MSI1: variants seen among roughly 807,000 people sequenced by gnomAD.
MSI1 encodes the protein musashi RNA binding protein 1.
Under a neutral mutation model 54.4 loss-of-function variants are expected in MSI1, and 15 were observed. The ratio of observed to expected loss-of-function variants is 0.28; its 90% CI spans 0.18 to 0.42. The LOEUF is 0.42. MSI1 is among the 20% of genes least tolerant of loss of function. The pLI is 1.00. For missense variants in MSI1, 304 were observed against 506.0 expected, an observed-to-expected ratio of 0.60 and a Z score of 3.83; for synonymous variants, 200 against 196.5, an observed-to-expected ratio of 1.02 and a Z score of -0.15.
chr12:120,351,219 C>T (rs1283615339), intron 11 of MSI1, 125 bp downstream of exon 11: 6 of 938,120 alleles, frequency 6.4e-6, no homozygotes, highest in Non-Finnish European at 1.0e-5. Context: ...TCTGCTGTGT[C>T]CCCACAGCCG....
Position 120,357,754 on chromosome 12 carries a change from C to T in MSI1, c.534+62G>A, listed in dbSNP as rs533864538. 1,891 of 1,547,524 alleles carry T rather than the reference C, an allele frequency of 1.2e-3. 25 individuals carry two copies. The South Asian group carries it at 0.02, about 16-fold the overall frequency. ...CTCCTGACCTCATGTAATCTGCCCA[C>T]CTCAACCTCCCCAAAGTGCTTGGCT... On this transcript the variant is annotated intron_variant, in intron 8 of 14. Transcript: ENST00000257552.
At chr12:120,346,629 C>A (rs1370407123) in intron 12 of MSI1, among the ~76,000 whole-genome samples, 1 of 152,136 alleles carries the variant, frequency 6.6e-6, no homozygotes, top group Non-Finnish European at 1.5e-5. Context: ...TCCACTGTCT[C>A]CCCACCACCC....
At chr12:120,340,519 C>CT (rs1362536776), downstream of MSI1, among the ~76,000 whole-genome samples, 10 of 151,120 alleles carry the variant, frequency 6.6e-5, no homozygotes, top group Admixed American at 3.3e-4. Context: ...TCTCTCTCTT[C>CT]TTTTTTTTTG....
chr12:120,363,857 T>C lies in MSI1; in HGVS notation c.310-722A>G, dbSNP rs140117430. Among the ~76,000 whole-genome samples, 771 of 152,234 alleles carry C rather than the reference T, an allele frequency of 5.1e-3. 7 individuals carry two copies. The highest frequency in any genetic ancestry group is 0.017 in the African/African-American group (707 of 41,518). On this transcript the variant is annotated intron_variant, in intron 5 of 14. Transcript: ENST00000257552. ...CAGCCCTGGCAGGAGTTGGGGGACT[T>C]GATGGAATTCACTGGCCCGGAATCT... is the stretch of plus-strand genomic sequence containing the variant.
chr12:120,344,218 CT>C (rs1384216745), intron 14 of MSI1, among the ~76,000 whole-genome samples: 1 of 152,198 alleles, frequency 6.6e-6, no homozygotes, highest in Non-Finnish European at 1.5e-5. Context: ...TGTTTAACCA[CT>C]TTCCTTTTGA....
chr12:120,351,711 C>CTT lies in MSI1; in HGVS notation c.734-313_734-312dup, dbSNP rs34601359. ...TTCTTTTCTTTTTCTTTCTTTCTCTCTTTTTTTTTTTTTTTGAAATGGAGT... is the reference window on the plus strand; with the variant it reads ...TTCTTTTCTTTTTCTTTCTTTCTCTCTTTTTTTTTTTTTTTTTGAAATGGAGT... On this transcript the variant is annotated intron_variant, in intron 10 of 14. Coordinates refer to ENST00000257552, the MANE Select transcript of MSI1 (RefSeq NM_002442.4). 7.4e-3 allele frequency among the ~76,000 whole-genome samples: 929 copies of CTT among 125,506 alleles called. 11 individuals are homozygous for CTT. The highest frequency in any genetic ancestry group is 0.026 in the African/African-American group (884 of 33,618). 82.3% of individuals were successfully genotyped at this position (125,506 alleles called of 152,430 possible).
At position 120,363,585 on chromosome 12, in the gene MSI1, GT is replaced by G. The variant is rs200912662; in HGVS notation, c.310-451del. On this transcript the variant is annotated intron_variant, in intron 5 of 14. Transcript: ENST00000257552. ...CTGGCAGCCCTGTGGCCCCAGCCCT[GT>G]TTTAGGAAGAACACATGGTCCTAAT... Among the ~76,000 whole-genome samples the G allele has an allele frequency of 7.6e-3, 1,159 of 152,262 alleles. 13 individuals are homozygous for G. The highest frequency in any genetic ancestry group is 0.026 in the African/African-American group (1,101 of 41,558).
Position 120,354,678 on chromosome 12 carries a change from G to A in MSI1, c.653-1299C>T, listed in dbSNP as rs188930062. On this transcript the variant is annotated intron_variant, in intron 9 of 14. Coordinates refer to ENST00000257552, the MANE Select transcript of MSI1 (RefSeq NM_002442.4). ...ACTCCCAACCTCAGGTGATCCACCCGCCTCAGCCTCCCAAAGTGCTGGGAT... is the reference window on the plus strand; with the variant it reads ...ACTCCCAACCTCAGGTGATCCACCCACCTCAGCCTCCCAAAGTGCTGGGAT... Among the ~76,000 whole-genome samples, 529 of 152,262 alleles carry A rather than the reference G, an allele frequency of 3.5e-3. 6 individuals carry two copies. The highest frequency in any genetic ancestry group is 0.012 in the African/African-American group (501 of 41,570).
At chr12:120,353,228 C>T (rs1874790041) in intron 10 of MSI1, 71 bp downstream of exon 10, 1 of 1,470,462 alleles carries the variant, frequency 6.8e-7, no homozygotes, top group Admixed American at 1.7e-5. Context: ...CCCTAGACAC[C>T]ACCCTGAGAA....
chr12:120,367,253 C>G (rs963214368), intron 4 of MSI1, among the ~76,000 whole-genome samples: 7 of 152,154 alleles, frequency 4.6e-5, no homozygotes, highest in African/African-American at 1.7e-4. Flanking sequence ...CCCCAGCAGA[C>G]AGACACCCCC....
intron 10 of MSI1, 40 bp downstream of exon 10, chr12:120,353,259 G>C (rs200464325): frequency 5.0e-6 from 8 of 1,589,042 alleles, no homozygotes; most frequent in Non-Finnish European, 6.9e-6. Context: ...CCGGGAACCA[G>C]GGGCATGCTG....
intron 4 of MSI1, among the ~76,000 whole-genome samples, chr12:120,365,450 TG>T (rs1384301184): frequency 6.6e-6 from 1 of 152,142 alleles, no homozygotes; most frequent in Non-Finnish European, 1.5e-5. Context: ...ACAAAAAAAA[TG>T]TAAGCCGTCT....
intron 4 of MSI1, among the ~76,000 whole-genome samples, chr12:120,365,764 A>G (rs1172718771): frequency 6.6e-6 from 1 of 152,066 alleles, no homozygotes; most frequent in East Asian, 1.9e-4. Context: ...AGGGCATGGG[A>G]CTTGACCTAG....
In MSI1 at chr12:120,363,113, ATCT is replaced by A; in HGVS notation, c.329_331del (p.Lys110del). On this transcript the variant is annotated inframe_deletion, in exon 6 of 15. Transcript: ENST00000257552. The stretch of plus-strand genomic sequence containing the variant: ...GTTCACCGACAGCCCCCCCACAAAG[ATCT>A]TCTTCGTTCGAGTCACCATCTGTTA... 3.7e-6 allele frequency: 6 copies of A among 1,613,734 alleles called. No homozygotes were observed. The highest frequency in any genetic ancestry group is 5.1e-6 in the Non-Finnish European group (6 of 1,179,896).
chr12:120,360,486 G>A (rs954235936), intron 6 of MSI1, among the ~76,000 whole-genome samples: 9 of 152,144 alleles, frequency 5.9e-5, no homozygotes, highest in Non-Finnish European at 1.3e-4. Flanking sequence ...CTGTACTGGG[G>A]CCCACGCAAC....
Position 120,342,679 on chromosome 12 carries a change from A to C in MSI1, c.*448T>G, listed in dbSNP as rs1873770663. 1 of 143,474 alleles carries C rather than the reference A, an allele frequency of 7.0e-6. No individual in the cohort carries two copies. The highest frequency in any genetic ancestry group is 1.5e-5 in the Non-Finnish European group (1 of 65,556). 8.9% of individuals were successfully genotyped at this position (143,474 alleles called of 1,614,324 possible). On this transcript the variant is annotated 3_prime_UTR_variant, in exon 15 of 15. Coordinates refer to ENST00000257552, the MANE Select transcript of MSI1 (RefSeq NM_002442.4). ...AAAAAAAAAAAAAAAAAAAAGGGAA[A>C]GGGTAAAGGAGGGGAAATCTGAATA...
rs1876198736 is a variant in MSI1, at chr12:120,368,772, C to T, written c.100+61G>A. ...AGGGCCGGGCTGGGGTGTCCGGGTC[C>T]GGGGCGCCGGGGGGTCCGGGGTGCC... On this transcript the variant is annotated intron_variant, in intron 2 of 14. Coordinates refer to ENST00000257552, the MANE Select transcript of MSI1 (RefSeq NM_002442.4). The surrounding 1 kb of genome is among the most constrained non-coding windows in gnomAD (Gnocchi z 6.6). 28 of 1,342,748 alleles carry T rather than the reference C, an allele frequency of 2.1e-5. No individual in the cohort carries two copies. The South Asian group carries it at 4.5e-4, about 22-fold the overall frequency. The allele number at this position is 1,342,748 out of a possible 1,614,324, so 83.2% of individuals were successfully genotyped here.
chr12:120,357,084 GGA>G lies in MSI1; in HGVS notation c.535-67_535-66del, dbSNP rs1194655980. 8.6e-6 allele frequency: 12 copies of G among 1,389,596 alleles called. 1 individual carries two copies. The African/African-American group carries it at 1.7e-4, about 20-fold the overall frequency. 86.1% of individuals were successfully genotyped at this position (1,389,596 alleles called of 1,614,324 possible). On this transcript the variant is annotated intron_variant, in intron 8 of 14. Transcript: ENST00000257552. ...AGAGTCATTAGCCCTCTTGTTCCCT[GGA>G]AAGCCCCTTTATTAATTTTATTAAT...
At chr12:120,358,579 A>G (rs1875342872) in intron 7 of MSI1, among the ~76,000 whole-genome samples, 1 of 152,138 alleles carries the variant, frequency 6.6e-6, no homozygotes, top group African/African-American at 2.4e-5. Flanking sequence ...GCACACGCAC[A>G]CGGTGTGGCC....
Sources: allele counts gnomAD v4.1 joint callset (sites outside exome capture counted in the v4.1 genomes callset), GRCh38; gene constraint gnomAD v4.1.1; non-coding constraint Gnocchi (gnomAD v3.1); transcripts MANE v1.5; gene names NCBI Gene and HGNC (gene_info 2026-07-23, HGNC 2026-07-21).